The following SSTR5 variants were observed in gnomAD, a reference collection of about 807,000 sequenced individuals.
SSTR5 encodes somatostatin receptor type 5.
A neutral mutation model predicts 0.3 loss-of-function variants in SSTR5; 1 was observed. The ratio of observed to expected loss-of-function variants is 2.98; its 90% CI spans 1.06 to 14.15. The LOEUF (loss-of-function observed/expected upper bound fraction) is 14.15, where lower values mean the gene tolerates loss of function less well. SSTR5 is among the 30% of genes most tolerant of loss of function. The pLI is 0.12. For missense variants in SSTR5, 516 were observed against 543.2 expected, an observed-to-expected ratio of 0.95 and a Z score of 0.50; for synonymous variants, 256 against 263.1, an observed-to-expected ratio of 0.97 and a Z score of 0.26.
intron 1 of SSTR5, among the ~76,000 whole-genome samples, chr16:1,076,983 G>T (rs1960224814): frequency 6.6e-6 from 1 of 152,158 alleles, no homozygotes; most frequent in African/African-American, 2.4e-5. Context: ...GTGTGTTTGG[G>T]CCATGCGAGC....
chr16:1,079,935 A>G lies in SSTR5; in HGVS notation c.1067A>G (p.Asn356Ser). 1.2e-6 allele frequency: 2 copies of G among 1,605,422 alleles called. No individual in the cohort carries two copies. The highest frequency in any genetic ancestry group is 1.7e-6 in the Non-Finnish European group (2 of 1,176,632). Reference protein sequence around the residue: ...ATPPAHRAAANGLMQTSKL With the variant: ...ATPPAHRAAASGLMQTSKL ...CCACCCGCGCACCGCGCCGCAGCCA[A>G]CGGGCTTATGCAGACCAGCAAGCTG... is the stretch of plus-strand genomic sequence containing the variant. The change falls in exon 2 of 2, where the codon AAC becomes AGC. Residue 356 changes from asparagine (N) to serine (S), a missense_variant. Physicochemically the swap from Asn to Ser is conservative, Grantham distance 46. Transcript: ENST00000689027.
intron 1 of SSTR5, among the ~76,000 whole-genome samples, chr16:1,073,943 G>A (rs1222525245): frequency 2.6e-5 from 4 of 152,350 alleles, no homozygotes; most frequent in South Asian, 2.1e-4. Context: ...AAGCGTTCGC[G>A]GAGCACGCGG....
At chr16:1,074,819 C>T (rs1207203414) in intron 1 of SSTR5, among the ~76,000 whole-genome samples, 3 of 152,248 alleles carry the variant, frequency 2.0e-5, no homozygotes, top group Middle Eastern at 3.4e-3. Flanking sequence ...AGTGGATGCA[C>T]GCAGCACCCT....
chr16:1,073,745 T>C (rs1960137063), intron 1 of SSTR5: 1 of 150,006 alleles, frequency 6.7e-6, no homozygotes, highest in African/African-American at 2.5e-5. Flanking sequence ...GTGACAGAAG[T>C]TGGGGATGGT....
Position 1,080,071 on chromosome 16 carries a change from G to A in SSTR5, c.*108G>A. On this transcript the variant is annotated 3_prime_UTR_variant, in exon 2 of 2. Coordinates refer to ENST00000689027, the MANE Select transcript of SSTR5 (RefSeq NM_001172560.3). ...AGTCAGGATGCTCCCCGGCGGTGGT[G>A]TGAGGACAGAGCTGGCTGAAGCCAG... The A allele has an allele frequency of 7.1e-7, 1 of 1,416,822 alleles. No homozygotes were observed. The highest frequency in any genetic ancestry group is 9.4e-7 in the Non-Finnish European group (1 of 1,063,134). 87.8% of individuals were successfully genotyped at this position (1,416,822 alleles called of 1,614,324 possible). A position where few individuals can be genotyped will look rare whatever the true frequency, so the allele number is the denominator to read the frequency against.
chr16:1,079,201 G>A lies in SSTR5; in HGVS notation c.333G>A (p.Leu111=), dbSNP rs967405029. The A allele has an allele frequency of 7.4e-6, 12 of 1,612,442 alleles. No homozygotes were observed. Among genetic ancestry groups the A allele is most frequent in the Non-Finnish European group, 1.0e-5 (12 of 1,179,938 alleles). The part of the protein sequence containing the change: ...AASFWPFGPV[L]CRLVMTLDGV... ...CCTTCTGGCCCTTCGGCCCCGTCCT[G>A]TGCCGCCTGGTCATGACGCTGGACG... The change falls in exon 2 of 2, where the codon CTG becomes CTA. Residue 111 remains leucine (L), a synonymous_variant. Coordinates refer to ENST00000689027, the MANE Select transcript of SSTR5 (RefSeq NM_001172560.3).
chr16:1,076,549 C>A (rs1960216672), intron 1 of SSTR5, among the ~76,000 whole-genome samples: 1 of 151,538 alleles, frequency 6.6e-6, no homozygotes, highest in African/African-American at 2.4e-5. Context: ...CAGAAGGGAT[C>A]CTGTCGCCAG....
rs140445652 is a variant in SSTR5, at chr16:1,079,583, C to G, written c.715C>G (p.Arg239Gly). The G allele has an allele frequency of 8.1e-6, 13 of 1,610,874 alleles. No individual in the cohort carries two copies. The highest frequency in any genetic ancestry group is 8.5e-6 in the Non-Finnish European group (10 of 1,178,816). The change falls in exon 2 of 2, where the codon CGG becomes GGG. Residue 239 changes from arginine (R) to glycine (G), a missense_variant. Arg to Gly is a moderately radical substitution (Grantham distance 125). Transcript: ENST00000689027. ...RAAGVRVGCV[R>G]RRSERKVTRM... is the part of the protein sequence containing the mutation. ...GGCGGGCGTGCGCGTGGGCTGCGTG[C>G]GGCGGCGCTCGGAGCGGAAGGTGAC...
chr16:1,079,987 C>T lies in SSTR5; in HGVS notation c.*24C>T. ...GAGAGTGCAGGCGGGGGGTGGGCGG[C>T]CCCGTGTCACCCCCAGGAGCGGAGG... On this transcript the variant is annotated 3_prime_UTR_variant, in exon 2 of 2. Coordinates refer to ENST00000689027, the MANE Select transcript of SSTR5 (RefSeq NM_001172560.3). 6.4e-7 allele frequency: 1 copy of T among 1,567,978 alleles called. No homozygotes were observed.
intron 1 of SSTR5, chr16:1,078,348 GCCA>G: frequency 1.2e-5 from 2 of 166,168 alleles, no homozygotes; most frequent in Non-Finnish European, 2.6e-5. Flanking sequence ...CTAGCCAGGT[GCCA>G]TTCATCCCAG....
chr16:1,079,006 G>A lies in SSTR5; in HGVS notation c.138G>A (p.Leu46=), dbSNP rs745540452. 4 of 1,600,244 alleles carry A rather than the reference G, an allele frequency of 2.5e-6. No individual in the cohort carries two copies. The Admixed American group carries it at 5.2e-5, about 21-fold the overall frequency. Residue 46 remains leucine, a synonymous_variant, in exon 2 of 2, where the codon CTG becomes CTA. Coordinates refer to ENST00000689027, the MANE Select transcript of SSTR5 (RefSeq NM_001172560.3). The stretch of plus-strand genomic sequence containing the variant: ...CCCGGGCGGTGCTGGTGCCCGTGCT[G>A]TACCTGCTGGTGTGTGCGGCCGGGC... ...AGARAVLVPV[L]YLLVCAAGLG...
In SSTR5 at chr16:1,080,058, C is replaced by T. The variant is rs2151559054; in HGVS notation, c.*95C>T. 2.1e-6 allele frequency: 3 copies of T among 1,447,192 alleles called. No homozygotes were observed. Among genetic ancestry groups the T allele is most frequent in the Non-Finnish European group, 2.8e-6 (3 of 1,087,736 alleles). The allele number at this position is 1,447,192 out of a possible 1,614,324, so 89.6% of individuals were successfully genotyped here. On this transcript the variant is annotated 3_prime_UTR_variant, in exon 2 of 2. Coordinates refer to ENST00000689027, the MANE Select transcript of SSTR5 (RefSeq NM_001172560.3). ...CCCATGACCTGCCAGTCAGGATGCTCCCCGGCGGTGGTGTGAGGACAGAGC... is the reference window on the plus strand; with the variant it reads ...CCCATGACCTGCCAGTCAGGATGCTTCCCGGCGGTGGTGTGAGGACAGAGC...
At position 1,079,186 on chromosome 16, in the gene SSTR5, C is replaced by G; in HGVS notation, c.318C>G (p.Pro106=). 6.2e-7 allele frequency: 1 copy of G among 1,612,576 alleles called. No homozygotes were observed. The highest frequency in any genetic ancestry group is 8.5e-7 in the Non-Finnish European group (1 of 1,179,940). The stretch of plus-strand genomic sequence containing the variant: ...CGCAGAACGCCGCGTCCTTCTGGCC[C>G]TTCGGCCCCGTCCTGTGCCGCCTGG... The part of the protein sequence containing the change: ...LATQNAASFW[P]FGPVLCRLVM... The change falls in exon 2 of 2, where the codon CCC becomes CCG. Residue 106 remains proline, a synonymous_variant. Transcript: ENST00000689027.
In SSTR5 at chr16:1,079,724, T is replaced by C. The variant is rs1960319147; in HGVS notation, c.856T>C (p.Tyr286His). The C allele has an allele frequency of 1.2e-6, 2 of 1,612,172 alleles. No individual in the cohort carries two copies. The highest frequency in any genetic ancestry group is 1.3e-5 in the African/African-American group (1 of 74,924). Residue 286 changes from tyrosine (Y) to histidine (H), a missense_variant, in exon 2 of 2, where the codon TAC (tyrosine) becomes CAC (histidine). Tyr to His is a moderately conservative substitution (Grantham distance 83). Coordinates refer to ENST00000689027, the MANE Select transcript of SSTR5 (RefSeq NM_001172560.3). ...CCAGGAGCCCGCCTCCGCCGGCCTC[T>C]ACTTCTTCGTGGTCATCCTCTCCTA... Reference protein sequence around the residue: ...LPQEPASAGLYFFVVILSYAN... With the variant: ...LPQEPASAGLHFFVVILSYAN...
At position 1,079,199 on chromosome 16, in the gene SSTR5, C is replaced by T. The variant is rs1456974022; in HGVS notation, c.331C>T (p.Leu111=). 1 of 1,612,466 alleles carries T rather than the reference C, an allele frequency of 6.2e-7. No homozygotes were observed. ...AASFWPFGPV[L]CRLVMTLDGV... ...GTCCTTCTGGCCCTTCGGCCCCGTC[C>T]TGTGCCGCCTGGTCATGACGCTGGA... is the stretch of plus-strand genomic sequence containing the variant. Residue 111 remains leucine (L), a synonymous_variant, in exon 2 of 2, where the codon CTG becomes TTG. Coordinates refer to ENST00000689027, the MANE Select transcript of SSTR5 (RefSeq NM_001172560.3).
intron 1 of SSTR5, among the ~76,000 whole-genome samples, chr16:1,074,092 T>G (rs1391275563): frequency 6.6e-6 from 1 of 152,168 alleles, no homozygotes; most frequent in East Asian, 1.9e-4. Flanking sequence ...TGCCATTGGC[T>G]GCACTCACAG....
At position 1,079,904 on chromosome 16, in the gene SSTR5, G is replaced by T; in HGVS notation, c.1036G>T (p.Ala346Ser). ...AGACAGGATCCGGCAGCAGCAGGAG[G>T]CCACGCCACCCGCGCACCGCGCCGC... is the stretch of plus-strand genomic sequence containing the variant. ...RPDRIRQQQE[A>S]TPPAHRAAAN... The change falls in exon 2 of 2, where the codon GCC becomes TCC. Residue 346 changes from alanine to serine, a missense_variant. Transcript: ENST00000689027. 1 of 1,607,796 alleles carries T rather than the reference G, an allele frequency of 6.2e-7. No homozygotes were observed. The highest frequency in any genetic ancestry group is 8.5e-7 in the Non-Finnish European group (1 of 1,178,020).
rs770171341 is a variant in SSTR5 at position 1,079,540 on chromosome 16, C to T, written c.672C>T (p.Ile224=). ...LLVICLCYLL[I]VVKVRAAGVR... ...TCATCTGCCTGTGCTACCTGCTCATCGTGGTGAAGGTGAGGGCGGCGGGCG... is the reference window on the plus strand; with the variant it reads ...TCATCTGCCTGTGCTACCTGCTCATTGTGGTGAAGGTGAGGGCGGCGGGCG... The change falls in exon 2 of 2, where the codon ATC becomes ATT. Residue 224 remains isoleucine (I), a synonymous_variant. Coordinates refer to ENST00000689027, the MANE Select transcript of SSTR5 (RefSeq NM_001172560.3). The T allele has an allele frequency of 2.7e-5, 43 of 1,612,132 alleles. No homozygotes were observed. The highest frequency in any genetic ancestry group is 5.5e-5 in the South Asian group (5 of 91,022).
rs1339971616 is a variant in SSTR5 at position 1,080,182 on chromosome 16, G to A, written c.*219G>A. ...TGCCACACAGCGGGGGCTCCCGGGA[G>A]GTAGGGGAGGTGGCCAGACCGGTGG... On this transcript the variant is annotated 3_prime_UTR_variant, in exon 2 of 2. Coordinates refer to ENST00000689027, the MANE Select transcript of SSTR5 (RefSeq NM_001172560.3). 1.6e-6 allele frequency: 1 copy of A among 635,750 alleles called. No individual in the cohort carries two copies. Among genetic ancestry groups the A allele is most frequent in the African/African-American group, 1.9e-5 (1 of 53,960 alleles). 39.4% of individuals were successfully genotyped at this position (635,750 alleles called of 1,614,324 possible).
Sources: allele counts gnomAD v4.1 joint callset (sites outside exome capture counted in the v4.1 genomes callset), GRCh38; gene constraint gnomAD v4.1.1; transcripts MANE v1.5; gene names NCBI Gene and HGNC (gene_info 2026-07-23, HGNC 2026-07-21).